TNNI3K: variants seen among roughly 807,000 people sequenced by gnomAD.
The protein encoded by TNNI3K is TNNI3 interacting kinase, also known as serine/threonine-protein kinase TNNI3K.
Under a neutral mutation model 114.5 loss-of-function variants are expected in TNNI3K, and 140 were observed. The ratio of observed to expected loss-of-function variants is 1.22; its 90% CI spans 1.07 to 1.41. The LOEUF (loss-of-function observed/expected upper bound fraction) is 1.41, where lower values mean the gene tolerates loss of function less well. Ranked by LOEUF, TNNI3K falls within the 40% of genes most tolerant of loss-of-function variation. TNNI3K has a pLI of 0.00. For missense variants in TNNI3K, 1,125 were observed against 1,007.6 expected (o/e 1.12, Z -1.58); for synonymous variants, 347 against 347.5 (o/e 1.00, Z 0.02).
intron 6 of TNNI3K, among the ~76,000 whole-genome samples, chr1:74,335,806 A>G (rs45483694): frequency 0.015 from 2,289 of 152,292 alleles, 51 homozygotes; most frequent in African/African-American, 0.05. Context: ...CTTGCTGAGC[A>G]TGGCAGAACA....
intron 17 of TNNI3K, among the ~76,000 whole-genome samples, chr1:74,401,162 G>A (rs541147817): frequency 2.8e-4 from 43 of 152,234 alleles, no homozygotes; most frequent in African/African-American, 9.9e-4. Context: ...AAAAGCTTTC[G>A]TAGAAACATA....
intron 23 of TNNI3K, among the ~76,000 whole-genome samples, chr1:74,530,045 A>T (rs747668174): frequency 7.9e-5 from 12 of 152,042 alleles, no homozygotes; most frequent in Non-Finnish European, 1.6e-4. Flanking sequence ...GCTCACTGCA[A>T]CCTCTACCTC....
intron 21 of TNNI3K, among the ~76,000 whole-genome samples, chr1:74,467,838 C>G (rs1016685666): frequency 3.9e-5 from 6 of 152,068 alleles, no homozygotes; most frequent in Non-Finnish European, 8.8e-5. Context: ...ATTAAAATCT[C>G]TCAGATGGAG....
intron 23 of TNNI3K, among the ~76,000 whole-genome samples, chr1:74,512,231 C>T (rs1452872773): frequency 6.6e-6 from 1 of 152,124 alleles, no homozygotes; most frequent in Non-Finnish European, 1.5e-5. Context: ...TGTACAGACT[C>T]AAACATGGAG....
At chr1:74,265,524 A>G (rs917176998) in intron 4 of TNNI3K, among the ~76,000 whole-genome samples, 3 of 151,798 alleles carry the variant, frequency 2.0e-5, no homozygotes, top group African/African-American at 4.8e-5. Context: ...ATCCTGCCAC[A>G]CTCTTCATAA....
At chr1:74,378,979 TTA>T (rs2100544174) in intron 17 of TNNI3K, among the ~76,000 whole-genome samples, 1 of 152,162 alleles carries the variant, frequency 6.6e-6, no homozygotes, top group South Asian at 2.1e-4. Flanking sequence ...CTAAATATTT[TTA>T]GTTTATTAAT....
intron 21 of TNNI3K, among the ~76,000 whole-genome samples, chr1:74,472,997 G>A (rs558079429): frequency 1.3e-5 from 2 of 152,224 alleles, no homozygotes; most frequent in South Asian, 2.1e-4. Flanking sequence ...TTTGGGGACA[G>A]ACCATATCTA....
At position 74,342,953 on chromosome 1, in the gene TNNI3K, T is replaced by A. The variant is rs1159762126; in HGVS notation, c.794T>A (p.Val265Asp). ...AGTGATTTGGAAGTTCAACCTCATG[T>A]TGTTAATATCTATGGAGATACCCCC... is the stretch of plus-strand genomic sequence containing the variant. ...LQSDLEVQPH[V>D]VNIYGDTPLH... The change falls in exon 8 of 25, where the codon GTT (valine) becomes GAT (aspartate). Residue 265 changes from valine (V) to aspartate (D), a missense_variant. Transcript: ENST00000326637. The A allele has an allele frequency of 6.2e-7, 1 of 1,613,914 alleles. No individual in the cohort carries two copies. Among genetic ancestry groups the A allele is most frequent in the Non-Finnish European group, 8.5e-7 (1 of 1,179,900 alleles).
At chr1:74,277,723 C>A (rs1656769271) in intron 5 of TNNI3K, among the ~76,000 whole-genome samples, 2 of 152,156 alleles carry the variant, frequency 1.3e-5, no homozygotes, top group Non-Finnish European at 2.9e-5. Flanking sequence ...GAGCAGTGAA[C>A]AGAAAGGCAT....
Position 74,306,731 on chromosome 1 carries a change from T to G in TNNI3K, c.445-24719T>G, listed in dbSNP as rs565855160. ...CTACTTTTTAATGGGGTTATTTTCTTGTTGGTGGTGATTTAAGTTAAGATA... is the reference window on the plus strand; with the variant it reads ...CTACTTTTTAATGGGGTTATTTTCTGGTTGGTGGTGATTTAAGTTAAGATA... On this transcript the variant is annotated intron_variant, in intron 5 of 24. Coordinates refer to ENST00000326637, the MANE Select transcript of TNNI3K (RefSeq NM_015978.3). Among the ~76,000 whole-genome samples, 32 of 152,304 alleles carry G rather than the reference T, an allele frequency of 2.1e-4. No homozygotes were observed. The South Asian group carries it at 6.6e-3, about 32-fold the overall frequency.
At chr1:74,392,435 C>G (rs531715949) in intron 17 of TNNI3K, among the ~76,000 whole-genome samples, 1 of 152,272 alleles carries the variant, frequency 6.6e-6, no homozygotes, top group South Asian at 2.1e-4. Context: ...GATTTAACTC[C>G]TCGTCTCTGA....
intron 4 of TNNI3K, among the ~76,000 whole-genome samples, chr1:74,267,384 C>A (rs1285616332): frequency 6.6e-6 from 1 of 151,818 alleles, no homozygotes; most frequent in Non-Finnish European, 1.5e-5. Flanking sequence ...TTCCTTGAGA[C>A]TCGATCAGGA....
intron 13 of TNNI3K, 43 bp from the exon 14 acceptor site, chr1:74,368,979 T>TACCA (rs756348116): frequency 6.5e-7 from 1 of 1,527,318 alleles, no homozygotes; most frequent in Non-Finnish European, 8.9e-7. Context: ...TCCATGTGTG[T>TACCA]GGTTTTTACC....
At chr1:74,423,290 C>A (rs972102130) in intron 17 of TNNI3K, among the ~76,000 whole-genome samples, 2 of 151,990 alleles carry the variant, frequency 1.3e-5, no homozygotes, top group African/African-American at 2.4e-5. Context: ...GTTGCACATA[C>A]TTTCTGTAGC....
At chr1:74,475,012 C>T (rs200845644) in intron 21 of TNNI3K, among the ~76,000 whole-genome samples, 117 of 145,888 alleles carry the variant, frequency 8.0e-4, no homozygotes, top group African/African-American at 2.8e-3. Context: ...TACTTTTTTT[C>T]TTTTTTTAAC....
chr1:74,494,243 G>A (rs1356535443), intron 23 of TNNI3K, among the ~76,000 whole-genome samples: 1 of 152,140 alleles, frequency 6.6e-6, no homozygotes, highest in East Asian at 1.9e-4. Context: ...TCTTAAGTGG[G>A]AAAAGATTAT....
At chr1:74,320,664 C>T (rs1238145835) in intron 5 of TNNI3K, among the ~76,000 whole-genome samples, 1 of 152,130 alleles carries the variant, frequency 6.6e-6, no homozygotes, top group Admixed American at 6.6e-5. Flanking sequence ...CTGCTTGATA[C>T]TCATTAACCA....
intron 4 of TNNI3K, among the ~76,000 whole-genome samples, chr1:74,262,398 G>A (rs977877423): frequency 1.3e-5 from 2 of 151,770 alleles, no homozygotes; most frequent in African/African-American, 2.4e-5. Context: ...CTGATTTAGA[G>A]GACAGATTTC....
chr1:74,407,729 T>G (rs1179213842), intron 17 of TNNI3K, among the ~76,000 whole-genome samples: 1 of 152,144 alleles, frequency 6.6e-6, no homozygotes, highest in Non-Finnish European at 1.5e-5. Flanking sequence ...TACATCAACT[T>G]TCTGTGCTAT....
Sources: allele counts gnomAD v4.1 joint callset (sites outside exome capture counted in the v4.1 genomes callset), GRCh38; gene constraint gnomAD v4.1.1; transcripts MANE v1.5; gene names NCBI Gene and HGNC (gene_info 2026-07-23, HGNC 2026-07-21).